SLC5A2: variants seen among roughly 807,000 people sequenced by gnomAD.
SLC5A2 encodes solute carrier family 5 member 2.
SLC5A2 carries 67 observed loss-of-function variants against 69.0 expected under a neutral mutation model. The observed-to-expected ratio is 0.97, with a 90% CI of 0.80 to 1.19. The LOEUF is 1.19. Among genes scored for constraint, SLC5A2 ranks in the 50% most tolerant of loss-of-function variants. The probability of loss-of-function intolerance (pLI) is 0.00; values close to 1 mark genes in which losing one functional copy is unlikely to be tolerated. For synonymous variants in SLC5A2, 455 were observed against 395.8 expected, an observed-to-expected ratio of 1.15 and a Z score of -1.78; for missense variants, 1,001 against 921.5, an observed-to-expected ratio of 1.09 and a Z score of -1.12.
At position 31,490,098 on chromosome 16, in the gene SLC5A2, C is replaced by G; in HGVS notation, c.1666-6C>G. 6.2e-7 allele frequency: 1 copy of G among 1,613,498 alleles called. No individual in the cohort carries two copies. Among genetic ancestry groups the G allele is most frequent in the Non-Finnish European group, 8.5e-7 (1 of 1,179,982 alleles). On this transcript the variant is annotated splice_region_variant and splice_polypyrimidine_tract_variant and intron_variant, in intron 12 of 13. Coordinates refer to ENST00000330498, the MANE Select transcript of SLC5A2 (RefSeq NM_003041.4). ...CCCACCTCGTTCGTGCTCCCACCCT[C>G]CCCAGCTCCACCGCCTGGTCTTCAG...
chr16:31,488,195 T>C (rs201151351), intron 8 of SLC5A2, 22 bp downstream of exon 8: 6 of 1,613,828 alleles, frequency 3.7e-6, no homozygotes, highest in Non-Finnish European at 5.1e-6. Flanking sequence ...GCCCCGCCCC[T>C]TTCCTGTGCC....
rs1418408471 is a variant in SLC5A2 at position 31,488,764 on chromosome 16, G to A, written c.1272G>A (p.Leu424=). The change falls in exon 10 of 14, where the codon CTG becomes CTA. Residue 424 remains leucine, a synonymous_variant. Coordinates refer to ENST00000330498, the MANE Select transcript of SLC5A2 (RefSeq NM_003041.4). ...GCGCCGGCGACCGCGAGCTGCTGCT[G>A]GTGGGACGGTGCGGCCTGGGCTCCC... is the stretch of plus-strand genomic sequence containing the variant. ...RPRAGDRELL[L]VGRLWVVFIV... The A allele has an allele frequency of 1.9e-6, 3 of 1,602,532 alleles. No homozygotes were observed. The highest frequency in any genetic ancestry group is 2.2e-5 in the South Asian group (2 of 90,668).
chr16:31,484,966 C>T, intron 3 of SLC5A2, 43 bp downstream of exon 3: 1 of 1,541,502 alleles, frequency 6.5e-7, no homozygotes, highest in African/African-American at 1.4e-5. Context: ...TCAGTGAGAA[C>T]ACCTGGAAGG....
intron 3 of SLC5A2, 65 bp downstream of exon 3, chr16:31,484,988 G>T: frequency 7.0e-7 from 1 of 1,425,830 alleles, no homozygotes; most frequent in South Asian, 1.2e-5. Context: ...TCACACCTTG[G>T]GGAAACTCCA....
intron 12 of SLC5A2, 41 bp downstream of exon 12, chr16:31,489,379 G>A (rs769712511): frequency 2.6e-6 from 4 of 1,559,766 alleles, no homozygotes; most frequent in Non-Finnish European, 3.5e-6. Flanking sequence ...GTGGGACACA[G>A]CACCTACCCT....
chr16:31,489,253 T>C lies in SLC5A2; in HGVS notation c.1580T>C (p.Leu527Pro), dbSNP rs1455696107. 2 of 1,610,828 alleles carry C rather than the reference T, an allele frequency of 1.2e-6. No individual in the cohort carries two copies. Among genetic ancestry groups the C allele is most frequent in the African/African-American group, 2.7e-5 (2 of 75,040 alleles). Residue 527 changes from leucine (L) to proline (P), a missense_variant, in exon 12 of 14, where the codon CTC becomes CCC. By Grantham distance (98) the Leu-to-Pro change is moderately conservative. Transcript: ENST00000330498. ...GCTTTCCTCTGCGGCGTGCACTACCTCTACTTCGCCATTGTGCTGTTCTTC... is the reference window on the plus strand; with the variant it reads ...GCTTTCCTCTGCGGCGTGCACTACCCCTACTTCGCCATTGTGCTGTTCTTC... ...CPAFLCGVHY[L>P]YFAIVLFFCS...
At chr16:31,485,393 C>A (rs961048077) in intron 3 of SLC5A2, 4 of 474,944 alleles carry the variant, frequency 8.4e-6, no homozygotes, top group African/African-American at 7.8e-5. Context: ...CTGAGCTGAT[C>A]CTTGAGGGAC....
Position 31,488,490 on chromosome 16 carries a change from G to T in SLC5A2, c.1129G>T (p.Gly377Cys), listed in dbSNP as rs752665468. 2 of 1,606,928 alleles carry T rather than the reference G, an allele frequency of 1.2e-6. No homozygotes were observed. Among genetic ancestry groups the T allele is most frequent in the South Asian group, 2.2e-5 (2 of 90,152 alleles). The change falls in exon 9 of 14, where the codon GGT (glycine) becomes TGT (cysteine). Residue 377 changes from glycine to cysteine, a missense_variant and splice_region_variant. Physicochemically the swap from Gly to Cys is radical, Grantham distance 159. Coordinates refer to ENST00000330498, the MANE Select transcript of SLC5A2 (RefSeq NM_003041.4). ...GCTCGTCGTGAAGCTCATGCCCAAC[G>T]GTAAGGGCAGCCCCGGGCCACAGGC... The part of the protein sequence containing the change: ...PRLVVKLMPN[G>C]LRGLMLAVML...
chr16:31,490,130 G>A lies in SLC5A2; in HGVS notation c.1692G>A (p.Arg564=), dbSNP rs147697689. 9.0e-4 allele frequency: 1,451 copies of A among 1,614,076 alleles called. 1 individual carries two copies. The highest frequency in any genetic ancestry group is 1.1e-3 in the Non-Finnish European group (1,348 of 1,180,024). Residue 564 remains arginine, a synonymous_variant, in exon 13 of 14, where the codon CGG becomes CGA. Coordinates refer to ENST00000330498, the MANE Select transcript of SLC5A2 (RefSeq NM_003041.4). ...KHLHRLVFSL[R]HSKEEREDLD... ...TCCACCGCCTGGTCTTCAGTCTCCG[G>A]CATAGCAAGGAGGAACGGGAGGACC...
chr16:31,489,790 G>A lies in SLC5A2; in HGVS notation c.1666-314G>A, dbSNP rs188637640. 33 of 458,512 alleles carry A rather than the reference G, an allele frequency of 7.2e-5. No homozygotes were observed. In the East Asian group the frequency reaches 1.2e-3, roughly 17 times the overall value. 28.4% of individuals were successfully genotyped at this position (458,512 alleles called of 1,614,324 possible). Reference sequence around the variant, plus strand: ...CAGGAGGAAAGGGTGGGAGCACACAGGCACAGAACACTGTGAGCAGGACTG... The same window carrying A: ...CAGGAGGAAAGGGTGGGAGCACACAAGCACAGAACACTGTGAGCAGGACTG... On this transcript the variant is annotated intron_variant, in intron 12 of 13. Coordinates refer to ENST00000330498, the MANE Select transcript of SLC5A2 (RefSeq NM_003041.4).
chr16:31,488,663 A>C lies in SLC5A2; in HGVS notation c.1171A>C (p.Met391Leu), dbSNP rs757796772. The C allele has an allele frequency of 6.2e-7, 1 of 1,612,484 alleles. No homozygotes were observed. The highest frequency in any genetic ancestry group is 2.2e-5 in the East Asian group (1 of 44,840). Reference sequence around the variant, plus strand: ...GCTGGCGGTCATGCTGGCCGCGCTCATGTCCTCGCTGGCCTCCATCTTCAA... The same window carrying C: ...GCTGGCGGTCATGCTGGCCGCGCTCCTGTCCTCGCTGGCCTCCATCTTCAA... Reference protein sequence around the residue: ...LMLAVMLAALMSSLASIFNSS... With the variant: ...LMLAVMLAALLSSLASIFNSS... The change falls in exon 10 of 14, where the codon ATG (methionine) becomes CTG (leucine). Residue 391 changes from methionine to leucine, a missense_variant. Coordinates refer to ENST00000330498, the MANE Select transcript of SLC5A2 (RefSeq NM_003041.4).
chr16:31,489,956 G>A (rs2082546362), intron 12 of SLC5A2, 148 bp from the exon 13 acceptor site: 1 of 1,009,308 alleles, frequency 9.9e-7, no homozygotes, highest in Non-Finnish European at 1.5e-6. Context: ...CATGTAGGGT[G>A]GAGTTGGCAT....
At position 31,487,559 on chromosome 16, in the gene SLC5A2, C is replaced by G. The variant is rs775851799; in HGVS notation, c.685C>G (p.Leu229Val). 6.2e-7 allele frequency: 1 copy of G among 1,613,964 alleles called. No individual in the cohort carries two copies. Among genetic ancestry groups the G allele is most frequent in the Non-Finnish European group, 8.5e-7 (1 of 1,180,004 alleles). Residue 229 changes from leucine to valine, a missense_variant, in exon 7 of 14, where the codon CTC becomes GTC. Physicochemically the swap from Leu to Val is conservative, Grantham distance 32 (BLOSUM62 1). Transcript: ENST00000330498. ...CCACGAGGTGGGCGGGTATTCGGGT[C>G]TCTTCGACAAATACCTGGGAGCAGC... ...AFHEVGGYSG[L>V]FDKYLGAATS...
chr16:31,488,648 A>C lies in SLC5A2; in HGVS notation c.1156A>C (p.Met386Leu). 1 of 1,611,926 alleles carries C rather than the reference A, an allele frequency of 6.2e-7. No individual in the cohort carries two copies. The highest frequency in any genetic ancestry group is 8.5e-7 in the Non-Finnish European group (1 of 1,179,390). Residue 386 changes from methionine to leucine, a missense_variant, in exon 10 of 14, where the codon ATG becomes CTG. By Grantham distance (15) the Met-to-Leu change is conservative (BLOSUM62 2). Transcript: ENST00000330498. ...NGLRGLMLAV[M>L]LAALMSSLAS... The stretch of plus-strand genomic sequence containing the variant: ...TCTGCGCGGACTCATGCTGGCGGTC[A>C]TGCTGGCCGCGCTCATGTCCTCGCT...
rs368608666 is a variant in SLC5A2 at position 31,487,488 on chromosome 16, T to C, written c.656-42T>C. On this transcript the variant is annotated intron_variant, in intron 6 of 13. Transcript: ENST00000330498. ...GCGGGGCCGTTGCGCGTCTCCGGTC[T>C]GAGGGTCCTAAGGAGGGTCCCCTGA... The C allele has an allele frequency of 6.8e-6, 11 of 1,611,582 alleles. No homozygotes were observed. In the African/African-American group the frequency reaches 1.3e-4, roughly 20 times the overall value.
chr16:31,489,096 C>T, intron 11 of SLC5A2, 27 bp from the exon 12 acceptor site: 1 of 1,604,998 alleles, frequency 6.2e-7, no homozygotes, highest in Non-Finnish European at 8.5e-7. Context: ...TGCACATCCT[C>T]AGCAGGCTGA....
intron 1 of SLC5A2, among the ~76,000 whole-genome samples, chr16:31,484,463 A>G (rs1398577903): frequency 6.6e-6 from 1 of 151,952 alleles, no homozygotes; most frequent in Non-Finnish European, 1.5e-5. Flanking sequence ...AAGAAAAAAT[A>G]TGTGAAAAAA....
rs763260120 is a variant in SLC5A2 at position 31,488,387 on chromosome 16, G to A, written c.1026G>A (p.Glu342=). 6 of 1,611,380 alleles carry A rather than the reference G, an allele frequency of 3.7e-6. No homozygotes were observed. Among genetic ancestry groups the A allele is most frequent in the Middle Eastern group, 1.7e-4 (1 of 6,024 alleles). The change falls in exon 9 of 14, where the codon GAG becomes GAA. Residue 342 remains glutamate, a synonymous_variant. Coordinates refer to ENST00000330498, the MANE Select transcript of SLC5A2 (RefSeq NM_003041.4). ...GMISRILYPD[E]VACVVPEVCR... Reference sequence around the variant, plus strand: ...GCGGTGGCCTCTCTCTGGCAGACGAGGTGGCGTGCGTGGTGCCTGAGGTGT... The same window carrying A: ...GCGGTGGCCTCTCTCTGGCAGACGAAGTGGCGTGCGTGGTGCCTGAGGTGT...
chr16:31,488,526 T>C, intron 9 of SLC5A2, 36 bp downstream of exon 9: 1 of 1,600,782 alleles, frequency 6.2e-7, no homozygotes, highest in South Asian at 1.1e-5. Flanking sequence ...GCAAGCTCGC[T>C]GCGGAGCCCG....
Sources: gnomAD v4.1 joint callset for allele counts (sites outside exome capture counted in the v4.1 genomes callset) on GRCh38, gnomAD v4.1.1 for gene constraint, MANE v1.5 for transcripts, NCBI Gene and HGNC (gene_info 2026-07-23, HGNC 2026-07-21) for gene names.